POLR3B: variants seen among roughly 807,000 people sequenced by gnomAD.
POLR3B encodes the protein DNA-directed RNA polymerase III subunit RPC2.
In POLR3B, 96 loss-of-function variants were observed where a neutral mutation model predicts 147.4. That is an observed-to-expected ratio of 0.65 (90% CI 0.55 to 0.77). POLR3B has a LOEUF of 0.77. POLR3B is among the 30% of genes least tolerant of loss of function. The pLI, the probability that POLR3B is intolerant of heterozygous loss-of-function variation, is 0.00. For missense variants in POLR3B, 1,036 were observed against 1,413.5 expected (o/e 0.73, Z 4.28); for synonymous variants, 461 against 485.9 (o/e 0.95, Z 0.67).
Position 106,508,638 on chromosome 12 carries a change from T to G in POLR3B, c.3273-782T>G, listed in dbSNP as rs138295710. Among the ~76,000 whole-genome samples the G allele has an allele frequency of 6.8e-4, 104 of 152,312 alleles. 1 individual carries two copies. The East Asian group carries it at 0.02, about 29-fold the overall frequency. Reference sequence around the variant, plus strand: ...TGTAGCCATTGATTAAGAACTAAGTTCAGTTTACCAGCTCTTCCGGAAAGA... The same window carrying G: ...TGTAGCCATTGATTAAGAACTAAGTGCAGTTTACCAGCTCTTCCGGAAAGA... On this transcript the variant is annotated intron_variant, in intron 27 of 27. Coordinates refer to ENST00000228347, the MANE Select transcript of POLR3B (RefSeq NM_018082.6).
intron 6 of POLR3B, among the ~76,000 whole-genome samples, chr12:106,371,479 C>T (rs1440062424): frequency 9.9e-5 from 15 of 152,018 alleles, no homozygotes; most frequent in Admixed American, 6.6e-5. Flanking sequence ...GCTATAAAGA[C>T]ACATGCACAC....
rs781304022 is a variant in POLR3B at position 106,457,299 on chromosome 12, A to G, written c.2452+3A>G. On this transcript the variant is annotated splice_donor_region_variant and intron_variant, in intron 21 of 27. Transcript: ENST00000228347. ...TGCAGATGGTATTTGTTCTCCAGGT[A>G]AAAGCCTTTTAAAAGAAAAAATTTT... 6.8e-6 allele frequency: 11 copies of G among 1,611,994 alleles called. No individual in the cohort carries two copies. In the East Asian group the frequency reaches 2.2e-4, roughly 33 times the overall value.
At chr12:106,495,919 T>A in intron 23 of POLR3B, 136 bp from the exon 24 acceptor site, 1 of 764,798 alleles carries the variant, frequency 1.3e-6, no homozygotes, top group Non-Finnish European at 2.4e-6. Flanking sequence ...ATCACTTTTG[T>A]TGCTCTTGAT....
chr12:106,474,748 T>C (rs1170336815), intron 23 of POLR3B, among the ~76,000 whole-genome samples: 1 of 146,988 alleles, frequency 6.8e-6, no homozygotes, highest in Non-Finnish European at 1.5e-5. Flanking sequence ...TATTTGATTC[T>C]TCTCTCTTTT....
intron 22 of POLR3B, among the ~76,000 whole-genome samples, chr12:106,461,793 C>G (rs2037940934): frequency 6.6e-6 from 1 of 152,172 alleles, no homozygotes; most frequent in Non-Finnish European, 1.5e-5. Context: ...ATCACTCACT[C>G]TTAGCCTCCC....
chr12:106,394,149 A>G (rs1593015692), intron 10 of POLR3B, among the ~76,000 whole-genome samples: 1 of 152,200 alleles, frequency 6.6e-6, no homozygotes, highest in South Asian at 2.1e-4. Flanking sequence ...TTTGTAGACT[A>G]CACTAGATAT....
At chr12:106,429,111 G>A (rs1328303559) in intron 13 of POLR3B, among the ~76,000 whole-genome samples, 3 of 152,174 alleles carry the variant, frequency 2.0e-5, no homozygotes, top group Non-Finnish European at 4.4e-5. Context: ...ACCATGGCAG[G>A]TGCAGTTTTT....
Position 106,365,748 on chromosome 12 carries a change from A to G in POLR3B, c.106-768A>G, listed in dbSNP as rs547320861. ...GTGGCGGGCACCTGTAATCCCAGCTACTCAGAAGGCTGAGGCACCTGAACT... is the reference window on the plus strand; with the variant it reads ...GTGGCGGGCACCTGTAATCCCAGCTGCTCAGAAGGCTGAGGCACCTGAACT... On this transcript the variant is annotated intron_variant, in intron 2 of 27. Coordinates refer to ENST00000228347, the MANE Select transcript of POLR3B (RefSeq NM_018082.6). Among the ~76,000 whole-genome samples the G allele has an allele frequency of 6.6e-5, 10 of 151,904 alleles. No individual in the cohort carries two copies. In the South Asian group the frequency reaches 2.1e-3, roughly 32 times the overall value.
At chr12:106,393,571 C>T (rs1417517411) in intron 10 of POLR3B, among the ~76,000 whole-genome samples, 1 of 145,368 alleles carries the variant, frequency 6.9e-6, no homozygotes, top group Non-Finnish European at 1.5e-5. Context: ...TTTTTATTCC[C>T]TACTTCAGTT....
intron 6 of POLR3B, among the ~76,000 whole-genome samples, chr12:106,374,556 C>T (rs2036652396): frequency 6.6e-6 from 1 of 151,586 alleles, no homozygotes; most frequent in Non-Finnish European, 1.5e-5. Context: ...GCTCTGTTGC[C>T]CAGGCTGGAG....
chr12:106,383,779 A>T (rs1361451528), intron 9 of POLR3B, among the ~76,000 whole-genome samples: 2 of 152,128 alleles, frequency 1.3e-5, no homozygotes, highest in Non-Finnish European at 2.9e-5. Flanking sequence ...GGAGTTCGAG[A>T]CCAGCCTGAC....
intron 1 of POLR3B, 91 bp downstream of exon 1, chr12:106,358,042 T>A: frequency 6.4e-7 from 1 of 1,566,112 alleles, no homozygotes; most frequent in Non-Finnish European, 8.6e-7. Flanking sequence ...GGGGGCGGGC[T>A]GGCGGTTTGT....
rs527628433 is a variant in POLR3B at position 106,504,488 on chromosome 12, C to G, written c.3272+234C>G. Among the ~76,000 whole-genome samples, 1 of 152,208 alleles carries G rather than the reference C, an allele frequency of 6.6e-6. No homozygotes were observed. The highest frequency in any genetic ancestry group is 2.1e-4 in the South Asian group (1 of 4,822). On this transcript the variant is annotated intron_variant, in intron 27 of 27. Coordinates refer to ENST00000228347, the MANE Select transcript of POLR3B (RefSeq NM_018082.6). The surrounding 1 kb of genome is among the most constrained non-coding windows in gnomAD (Gnocchi z 4.6). Reference sequence around the variant, plus strand: ...AGGCTAAGCTCCCAAGGAGTACAAACTTTACCTCCTTTTAAATATTCTCTC... The same window carrying G: ...AGGCTAAGCTCCCAAGGAGTACAAAGTTTACCTCCTTTTAAATATTCTCTC...
At chr12:106,390,225 A>G (rs1008601886) in intron 9 of POLR3B, among the ~76,000 whole-genome samples, 2 of 149,984 alleles carry the variant, frequency 1.3e-5, no homozygotes, top group African/African-American at 4.9e-5. Context: ...CTCTGAAAAA[A>G]AAAAAAAAGC....
At chr12:106,370,495 T>G (rs990688842) in intron 6 of POLR3B, among the ~76,000 whole-genome samples, 1 of 152,192 alleles carries the variant, frequency 6.6e-6, no homozygotes, top group Non-Finnish European at 1.5e-5. Flanking sequence ...TAACAAATCC[T>G]CCTATACTTC....
At chr12:106,375,869 G>T (rs1252191861) in intron 6 of POLR3B, among the ~76,000 whole-genome samples, 3 of 152,150 alleles carry the variant, frequency 2.0e-5, no homozygotes, top group South Asian at 2.1e-4. Flanking sequence ...TTTTTGTTTT[G>T]TTTTTTGAGA....
At chr12:106,493,343 A>C (rs1368782070) in intron 23 of POLR3B, among the ~76,000 whole-genome samples, 1 of 152,252 alleles carries the variant, frequency 6.6e-6, no homozygotes, top group African/African-American at 2.4e-5. Flanking sequence ...GAAAATAAGA[A>C]AAGAAACCTT....
chr12:106,417,578 T>C (rs925699670), intron 12 of POLR3B, among the ~76,000 whole-genome samples: 1 of 152,122 alleles, frequency 6.6e-6, no homozygotes, highest in African/African-American at 2.4e-5. Context: ...GCTGGGATGA[T>C]CACAGCAGAT....
At chr12:106,482,155 A>G (rs2038276091) in intron 23 of POLR3B, among the ~76,000 whole-genome samples, 1 of 152,198 alleles carries the variant, frequency 6.6e-6, no homozygotes, top group African/African-American at 2.4e-5. Context: ...CTCTTCTTGA[A>G]TGTCACCCAT....
Sources: allele counts gnomAD v4.1 joint callset (sites outside exome capture counted in the v4.1 genomes callset), GRCh38; gene constraint gnomAD v4.1.1; non-coding constraint Gnocchi (gnomAD v3.1); transcripts MANE v1.5; gene names NCBI Gene and HGNC (gene_info 2026-07-23, HGNC 2026-07-21).